The following AKAP13 variants were observed in gnomAD, a reference collection of about 807,000 sequenced individuals.
AKAP13 encodes A-kinase anchoring protein 13, also known as A-kinase anchor protein 13.
Under a neutral mutation model 264.5 loss-of-function variants are expected in AKAP13, and 80 were observed. That is an observed-to-expected ratio of 0.30 (90% CI 0.25 to 0.36). The LOEUF (loss-of-function observed/expected upper bound fraction) is 0.36, where lower values mean the gene tolerates loss of function less well. Ranked by LOEUF, AKAP13 falls within the 10% of genes least tolerant of loss-of-function variation. The pLI is 1.00. For synonymous variants in AKAP13, 1,380 were observed against 1,250.2 expected, an observed-to-expected ratio of 1.10 and a Z score of -2.19; for missense variants, 3,712 against 3,435.2, an observed-to-expected ratio of 1.08 and a Z score of -2.01.
intron 14 of AKAP13, among the ~76,000 whole-genome samples, chr15:85,676,172 A>C (rs2084217735): frequency 6.6e-6 from 1 of 152,194 alleles, no homozygotes; most frequent in Non-Finnish European, 1.5e-5. Context: ...CGGCCTCCCA[A>C]AGTGCTGGGA....
intron 7 of AKAP13, chr15:85,583,179 GT>G: frequency 1.0e-6 from 1 of 985,244 alleles, no homozygotes; most frequent in Non-Finnish European, 1.2e-6. Flanking sequence ...GAAGCAGCCT[GT>G]TTTGTCTTTA....
chr15:85,399,514 AAAAAAAAATAAAAAAATAAAAAAATAAAT>A (rs1310403234), intron 1 of AKAP13, among the ~76,000 whole-genome samples: 9 of 104,986 alleles, frequency 8.6e-5, no homozygotes, highest in Admixed American at 3.3e-4. Flanking sequence ...AAAAAAAAAA[AAAAAAAAATAAAAAAATAAAAAAATAAAT>A]AAATAAATAA....
rs1434794259 is a variant in AKAP13, at chr15:85,744,834, T to C, written c.*157T>C. ...CAGGTCCTGGACAATAAGCAACAGATGATATTGAGTGTCGGGTGGGGAAGG... is the reference window on the plus strand; with the variant it reads ...CAGGTCCTGGACAATAAGCAACAGACGATATTGAGTGTCGGGTGGGGAAGG... On this transcript the variant is annotated 3_prime_UTR_variant, in exon 37 of 37. Coordinates refer to ENST00000394518, the MANE Select transcript of AKAP13 (RefSeq NM_007200.5). 2 of 595,860 alleles carry C rather than the reference T, an allele frequency of 3.4e-6. No homozygotes were observed. Among genetic ancestry groups the C allele is most frequent in the Non-Finnish European group, 5.7e-6 (2 of 350,474 alleles). The allele number at this position is 595,860 out of a possible 1,614,324, so 36.9% of individuals were successfully genotyped here.
chr15:85,555,530 C>A, intron 5 of AKAP13: 1 of 1,191,858 alleles, frequency 8.4e-7, no homozygotes, highest in Non-Finnish European at 1.1e-6. Flanking sequence ...TGTTAATCTT[C>A]ATTGTTTATT....
At position 85,747,567 on chromosome 15, in the gene AKAP13, A is replaced by G. The variant is rs566208331; in HGVS notation, c.*2890A>G. 21 of 152,700 alleles carry G rather than the reference A, an allele frequency of 1.4e-4. No homozygotes were observed. The highest frequency in any genetic ancestry group is 4.8e-4 in the African/African-American group (20 of 41,556). 9.5% of individuals were successfully genotyped at this position (152,700 alleles called of 1,614,324 possible). A position where few individuals can be genotyped will look rare whatever the true frequency, so the allele number is the denominator to read the frequency against. ...AATCGAGTGAGCTTCCTGGAAGGAG[A>G]CTGCGTCTTCTCTCAATTCCAGTCA... On this transcript the variant is annotated 3_prime_UTR_variant, in exon 37 of 37. Coordinates refer to ENST00000394518, the MANE Select transcript of AKAP13 (RefSeq NM_007200.5).
intron 17 of AKAP13, among the ~76,000 whole-genome samples, chr15:85,699,235 G>C (rs539095720): frequency 6.6e-6 from 1 of 152,224 alleles, no homozygotes; most frequent in African/African-American, 2.4e-5. Flanking sequence ...CCTGAGGTCA[G>C]GAGTTCAAGA....
At chr15:85,733,873 C>CTTTTTTTTTTTTTTTTTTTTT (rs72092500) in intron 30 of AKAP13, among the ~76,000 whole-genome samples, 75 of 82,588 alleles carry the variant, frequency 9.1e-4, no homozygotes, top group Non-Finnish European at 1.0e-3. Flanking sequence ...TCTTTCTTTT[C>CTTTTTTTTTTTTTTTTTTTTT]TTTTTTTTTT....
intron 4 of AKAP13, among the ~76,000 whole-genome samples, chr15:85,539,775 T>G (rs912555198): frequency 8.5e-5 from 13 of 152,270 alleles, no homozygotes; most frequent in African/African-American, 3.1e-4. Context: ...CCTACAGAGA[T>G]CTTTCCAATT....
intron 1 of AKAP13, among the ~76,000 whole-genome samples, chr15:85,383,338 A>G (rs1231103031): frequency 6.6e-6 from 1 of 152,258 alleles, no homozygotes; most frequent in Non-Finnish European, 1.5e-5. Context: ...GACTAGTTGC[A>G]TAGCCTCTCA....
chr15:85,437,766 A>G (rs1156587132), intron 1 of AKAP13, among the ~76,000 whole-genome samples: 2 of 152,172 alleles, frequency 1.3e-5, no homozygotes, highest in South Asian at 2.1e-4. Flanking sequence ...GCAAAATTCA[A>G]CCCTTCATGC....
rs139999942 is a variant in AKAP13 at position 85,448,996 on chromosome 15, A to G, written c.-11-36714A>G. Among the ~76,000 whole-genome samples, 16 of 152,112 alleles carry G rather than the reference A, an allele frequency of 1.1e-4. 1 individual carries two copies. Among genetic ancestry groups the G allele is most frequent in the African/African-American group, 3.9e-4 (16 of 41,488 alleles). ...GGATCTGTAAATTGCTTTGGGCAGT[A>G]TACCCATTTTAATGATATTGATTCT... On this transcript the variant is annotated intron_variant, in intron 1 of 36. Transcript: ENST00000394518.
chr15:85,652,354 A>G (rs1447435093), intron 10 of AKAP13, among the ~76,000 whole-genome samples: 1 of 152,200 alleles, frequency 6.6e-6, no homozygotes, highest in African/African-American at 2.4e-5. Flanking sequence ...GTGAAGAAGC[A>G]CCTATATAAC....
Position 85,409,533 on chromosome 15 carries a change from T to A in AKAP13, c.-12+28735T>A, listed in dbSNP as rs961889054. Among the ~76,000 whole-genome samples, 51 of 151,644 alleles carry A rather than the reference T, an allele frequency of 3.4e-4. 1 individual carries two copies. The highest frequency in any genetic ancestry group is 4.4e-5 in the Non-Finnish European group (3 of 68,026). ...ATTATTTATGTATTCTAAATATTAA[T>A]CTCTTATTAAATAAGAGTTGCTAGA... is the stretch of plus-strand genomic sequence containing the variant. On this transcript the variant is annotated intron_variant, in intron 1 of 36. Transcript: ENST00000394518.
chr15:85,495,545 GA>G (rs2075847363), intron 2 of AKAP13, among the ~76,000 whole-genome samples: 1 of 152,116 alleles, frequency 6.6e-6, no homozygotes, highest in African/African-American at 2.4e-5. Flanking sequence ...TCTCCCTCAG[GA>G]AAGCCAAACA....
At chr15:85,488,040 G>A (rs2075615174) in intron 2 of AKAP13, among the ~76,000 whole-genome samples, 1 of 152,212 alleles carries the variant, frequency 6.6e-6, no homozygotes, top group African/African-American at 2.4e-5. Flanking sequence ...TGGAACCACA[G>A]GCATGTGCAC....
intron 1 of AKAP13, among the ~76,000 whole-genome samples, chr15:85,408,140 G>A (rs1305861073): frequency 4.0e-5 from 6 of 151,656 alleles, no homozygotes; most frequent in African/African-American, 1.2e-4. Context: ...CTTCCTGGAA[G>A]TGGTAATGTT....
chr15:85,493,630 C>T (rs1489706787), intron 2 of AKAP13, among the ~76,000 whole-genome samples: 1 of 152,160 alleles, frequency 6.6e-6, no homozygotes, highest in Non-Finnish European at 1.5e-5. Flanking sequence ...CTATATCTCT[C>T]CAGTCCTGAA....
intron 21 of AKAP13, 152 bp downstream of exon 21, chr15:85,717,554 G>A (rs565401193): frequency 1.6e-6 from 1 of 642,784 alleles, no homozygotes; most frequent in South Asian, 1.9e-5. Context: ...CCAGTGCTTT[G>A]TCATGACTGC....
chr15:85,381,521 C>CTTTTTTTTTTTT (rs1168869870), intron 1 of AKAP13, among the ~76,000 whole-genome samples: 7 of 64,290 alleles, frequency 1.1e-4, no homozygotes, highest in African/African-American at 2.0e-4. Flanking sequence ...CGGTTTACTG[C>CTTTTTTTTTTTT]TTTTTTTTTT....
Sources: allele counts gnomAD v4.1 joint callset (sites outside exome capture counted in the v4.1 genomes callset), GRCh38; gene constraint gnomAD v4.1.1; transcripts MANE v1.5; gene names NCBI Gene and HGNC (gene_info 2026-07-23, HGNC 2026-07-21).